SAMD12: variants seen among roughly 807,000 people sequenced by gnomAD.
SAMD12 encodes the protein sterile alpha motif domain containing 12.
A neutral mutation model predicts 15.0 loss-of-function variants in SAMD12; 9 were observed. That is an observed-to-expected ratio of 0.60 (90% CI 0.36 to 1.05). SAMD12 has a LOEUF of 1.05. SAMD12 is among the 50% of genes least tolerant of loss of function. The probability of loss-of-function intolerance (pLI) is 0.01; values close to 1 mark genes in which losing one functional copy is unlikely to be tolerated. For synonymous variants in SAMD12, 86 were observed against 90.1 expected, an observed-to-expected ratio of 0.96 and a Z score of 0.25; for missense variants, 230 against 234.2, an observed-to-expected ratio of 0.98 and a Z score of 0.12.
chr8:118,480,751 A>G (rs1265072477), intron 2 of SAMD12, among the ~76,000 whole-genome samples: 2 of 152,174 alleles, frequency 1.3e-5, no homozygotes, highest in East Asian at 1.9e-4. Context: ...CTTCCCCTTA[A>G]TGAGGCCTGC....
intron 4 of SAMD12, among the ~76,000 whole-genome samples, chr8:118,361,583 A>G (rs995675677): frequency 1.4e-4 from 22 of 152,234 alleles, no homozygotes; most frequent in Non-Finnish European, 2.8e-4. Context: ...AAAAACACAC[A>G]GGTGGCTAAA....
chr8:118,263,925 C>A (rs982514674), intron 4 of SAMD12, among the ~76,000 whole-genome samples: 5 of 152,080 alleles, frequency 3.3e-5, no homozygotes, highest in African/African-American at 1.2e-4. Context: ...ACACTCCTCT[C>A]CTTAGCCATG....
chr8:118,365,370 G>C (rs1479857214), intron 4 of SAMD12, among the ~76,000 whole-genome samples: 1 of 152,304 alleles, frequency 6.6e-6, no homozygotes, highest in East Asian at 1.9e-4. Flanking sequence ...ATTTAAATCA[G>C]CATGCTAAGT....
chr8:118,461,605 C>A (rs1391197177), intron 2 of SAMD12, among the ~76,000 whole-genome samples: 1 of 152,034 alleles, frequency 6.6e-6, no homozygotes, highest in Non-Finnish European at 1.5e-5. Context: ...TTCTATGAGT[C>A]CAGGCCATCT....
intron 2 of SAMD12, among the ~76,000 whole-genome samples, chr8:118,571,426 A>G (rs1827007145): frequency 1.3e-5 from 2 of 152,266 alleles, no homozygotes; most frequent in South Asian, 4.1e-4. Flanking sequence ...AGAAATTTGC[A>G]GAAATTTGCA....
At chr8:118,294,763 C>T (rs565995636) in intron 4 of SAMD12, among the ~76,000 whole-genome samples, 7 of 152,286 alleles carry the variant, frequency 4.6e-5, no homozygotes, top group African/African-American at 1.4e-4. Context: ...GGTCATGCAA[C>T]GAAAAGTGAT....
chr8:118,316,816 GT>G (rs35418863), intron 4 of SAMD12, among the ~76,000 whole-genome samples: 1,427 of 117,860 alleles, frequency 0.012, 9 homozygotes, highest in African/African-American at 0.04. Context: ...TTAAAAAAAA[GT>G]TTTTTTTTTT....
intron 2 of SAMD12, among the ~76,000 whole-genome samples, chr8:118,464,966 T>G (rs1823548159): frequency 6.6e-6 from 1 of 152,144 alleles, no homozygotes; most frequent in African/African-American, 2.4e-5. Flanking sequence ...GTTTGGTCTT[T>G]GTGGAGTTGA....
Position 118,378,334 on chromosome 8 carries a change from A to T in SAMD12, c.*1083T>A, listed in dbSNP as rs1261381630. On this transcript the variant is annotated 3_prime_UTR_variant, in exon 4 of 4. Coordinates refer to ENST00000314727, the MANE Select transcript of SAMD12 (RefSeq NM_207506.3). ...TTCTTATCATAATCTTCGTATTTCT[A>T]TCTACTTCTTAAAAGAAGCTTAAAA... The T allele has an allele frequency of 2.2e-6, 2 of 895,360 alleles. No individual in the cohort carries two copies. The highest frequency in any genetic ancestry group is 2.7e-6 in the Non-Finnish European group (2 of 748,066). The allele number at this position is 895,360 out of a possible 1,614,324, so 55.5% of individuals were successfully genotyped here.
At chr8:118,217,067 G>A (rs775662816) in intron 4 of SAMD12, among the ~76,000 whole-genome samples, 1 of 152,028 alleles carries the variant, frequency 6.6e-6, no homozygotes, top group Non-Finnish European at 1.5e-5. Flanking sequence ...GCAGTGGTGC[G>A]ATCTCGGCTC....
intron 4 of SAMD12, among the ~76,000 whole-genome samples, chr8:118,249,709 C>A (rs1433993262): frequency 6.6e-6 from 1 of 152,124 alleles, no homozygotes; most frequent in African/African-American, 2.4e-5. Flanking sequence ...TGCAATAATT[C>A]CAGGATTCCT....
intron 4 of SAMD12, among the ~76,000 whole-genome samples, chr8:118,289,800 A>G (rs1814263198): frequency 6.6e-6 from 1 of 152,198 alleles, no homozygotes; most frequent in Non-Finnish European, 1.5e-5. Flanking sequence ...AATTAATTTA[A>G]AAATATGCTT....
chr8:118,379,795 G>T (rs1819581112), intron 3 of SAMD12, 95 bp from the exon 4 acceptor site: 9 of 1,457,270 alleles, frequency 6.2e-6, no homozygotes, highest in Non-Finnish European at 8.3e-6. Flanking sequence ...CATCACAGAA[G>T]TTTCTACCTA....
At chr8:118,473,377 T>C (rs1294696906) in intron 2 of SAMD12, among the ~76,000 whole-genome samples, 1 of 152,198 alleles carries the variant, frequency 6.6e-6, no homozygotes, top group Non-Finnish European at 1.5e-5. Context: ...ATAGAGAATC[T>C]AAAGAAAATG....
intron 4 of SAMD12, among the ~76,000 whole-genome samples, chr8:118,251,631 C>T (rs1333787844): frequency 2.6e-5 from 4 of 152,076 alleles, no homozygotes; most frequent in Admixed American, 6.6e-5. Flanking sequence ...TAAAAGCAAG[C>T]ACCTTCAATG....
chr8:118,195,605 T>G (rs1251050021), exon 5 of SAMD12: 1 of 152,366 alleles, frequency 6.6e-6, no homozygotes, highest in Non-Finnish European at 1.5e-5. Flanking sequence ...ATCCGTCTGC[T>G]GCCATGTTCT....
chr8:118,470,672 T>C (rs890733443), intron 2 of SAMD12, among the ~76,000 whole-genome samples: 1 of 152,228 alleles, frequency 6.6e-6, no homozygotes, highest in Non-Finnish European at 1.5e-5. Context: ...TTATTTATCA[T>C]TGTGATTATT....
intron 2 of SAMD12, among the ~76,000 whole-genome samples, chr8:118,490,139 C>T (rs995661281): frequency 2.0e-5 from 3 of 152,134 alleles, no homozygotes; most frequent in Non-Finnish European, 4.4e-5. Flanking sequence ...TGTAGCAAAT[C>T]ATTATCATAT....
At chr8:118,340,343 G>A (rs200333445) in intron 4 of SAMD12, among the ~76,000 whole-genome samples, 1 of 29,326 alleles carries the variant, frequency 3.4e-5, no homozygotes, top group South Asian at 1.1e-3. Flanking sequence ...ACCTTGCCAA[G>A]GGGGCCCATG....
Sources: gnomAD v4.1 joint callset for allele counts (sites outside exome capture counted in the v4.1 genomes callset) on GRCh38, gnomAD v4.1.1 for gene constraint, MANE v1.5 for transcripts, NCBI Gene and HGNC (gene_info 2026-07-23, HGNC 2026-07-21) for gene names.